The following CUX1 variants were observed in gnomAD, a reference collection of about 807,000 sequenced individuals.
CUX1 encodes cut like homeobox 1, also known as protein CASP.
CUX1 carries 31 observed loss-of-function variants against 158.8 expected under a neutral mutation model. The ratio of observed to expected loss-of-function variants is 0.20; its 90% CI spans 0.15 to 0.26. CUX1 has a LOEUF of 0.26. CUX1 is among the 10% of genes least tolerant of loss of function. CUX1 has a pLI of 1.00. For missense variants in CUX1, 1,589 were observed against 2,014.6 expected (o/e 0.79, Z 4.04); for synonymous variants, 879 against 862.1 (o/e 1.02, Z -0.34).
intron 11 of CUX1, among the ~76,000 whole-genome samples, chr7:102,179,420 T>A (rs1792781679): frequency 1.3e-5 from 2 of 152,046 alleles, no homozygotes; most frequent in Admixed American, 1.3e-4. Flanking sequence ...GTACTATAAC[T>A]CCAGCACTTC....
chr7:101,918,707 AAAGTCC>A (rs1344117763), intron 2 of CUX1, among the ~76,000 whole-genome samples: 2 of 152,344 alleles, frequency 1.3e-5, no homozygotes, highest in East Asian at 3.9e-4. Flanking sequence ...GCCCACGCGG[AAAGTCC>A]AAGACGAGAC....
chr7:102,039,014 TAACATATGAA>T (rs774803637), intron 3 of CUX1, among the ~76,000 whole-genome samples: 2 of 152,114 alleles, frequency 1.3e-5, no homozygotes, highest in Non-Finnish European at 2.9e-5. Context: ...TGAAAATAGT[TAACATATGAA>T]AACAACCCAG....
intron 11 of CUX1, among the ~76,000 whole-genome samples, chr7:102,185,047 T>C (rs374512962): frequency 1.3e-5 from 2 of 152,196 alleles, no homozygotes; most frequent in East Asian, 1.9e-4. Flanking sequence ...CCAGGGCACA[T>C]GTGCTCTTTC....
At chr7:102,053,666 C>G (rs1422870897) in intron 3 of CUX1, among the ~76,000 whole-genome samples, 1 of 152,044 alleles carries the variant, frequency 6.6e-6, no homozygotes, top group Non-Finnish European at 1.5e-5. Flanking sequence ...ATGTTTATAT[C>G]CCACAAATAT....
intron 17 of CUX1, among the ~76,000 whole-genome samples, chr7:102,275,728 G>C (rs965250857): frequency 1.3e-4 from 20 of 152,284 alleles, no homozygotes; most frequent in Non-Finnish European, 2.9e-4. Flanking sequence ...TGCAGGGTGA[G>C]CCAGGTGCGG....
intron 20 of CUX1, among the ~76,000 whole-genome samples, chr7:102,211,173 C>T (rs1057187756): frequency 3.9e-5 from 6 of 152,244 alleles, no homozygotes; most frequent in African/African-American, 9.6e-5. Context: ...GGGCCAGGCG[C>T]GGTGGCTCAC....
intron 14 of CUX1, among the ~76,000 whole-genome samples, chr7:102,269,068 C>T (rs1309555678): frequency 6.6e-6 from 1 of 151,938 alleles, no homozygotes; most frequent in East Asian, 1.9e-4. Context: ...TCCCTAGTAG[C>T]TGGGACTACA....
chr7:102,227,951 C>CT (rs781968632), intron 21 of CUX1, among the ~76,000 whole-genome samples: 49,000 of 117,162 alleles, frequency 0.42, 11,656 homozygotes, highest in East Asian at 0.75. Context: ...TCTTTTTTTT[C>CT]TTTTTTTTTT....
chr7:102,090,092 T>C (rs1828379428), intron 4 of CUX1, among the ~76,000 whole-genome samples: 1 of 152,236 alleles, frequency 6.6e-6, no homozygotes, highest in Non-Finnish European at 1.5e-5. Context: ...CAAGTTCTGT[T>C]AATTTTGATT....
intron 3 of CUX1, among the ~76,000 whole-genome samples, chr7:102,052,118 G>A (rs2130111488): frequency 6.6e-6 from 1 of 152,112 alleles, no homozygotes; most frequent in Non-Finnish European, 1.5e-5. Context: ...CTACTCAGGA[G>A]ACTGAGGCAG....
intron 22 of CUX1, among the ~76,000 whole-genome samples, chr7:102,238,700 CACTTACTT>C (rs1799856079): frequency 6.6e-6 from 1 of 152,154 alleles, no homozygotes; most frequent in Non-Finnish European, 1.5e-5. Context: ...TGGTCTCTTG[CACTTACTT>C]ACCCCCACCC....
intron 2 of CUX1, among the ~76,000 whole-genome samples, chr7:101,955,581 C>T (rs993950751): frequency 3.9e-5 from 6 of 152,184 alleles, no homozygotes; most frequent in South Asian, 4.1e-4. Flanking sequence ...TCCCAGGGAA[C>T]GCACAGCTGG....
Position 102,248,166 on chromosome 7 carries a change from T to G in CUX1, c.3888-246T>G, listed in dbSNP as rs1801016561. 6.6e-6 allele frequency among the ~76,000 whole-genome samples: 1 copy of G among 151,962 alleles called. No individual in the cohort carries two copies. The highest frequency in any genetic ancestry group is 2.1e-4 in the South Asian group (1 of 4,820). ...AATTAAAATAAGTGCCCGCGGCAAT[T>G]TGTTGCAGTGGAGAATAGGGGAGTG... On this transcript the variant is annotated intron_variant, in intron 23 of 23. Coordinates refer to ENST00000292535, the MANE Select transcript of CUX1 (RefSeq NM_181552.4). The surrounding 1 kb of genome is among the most constrained non-coding windows in gnomAD (Gnocchi z 5.8).
chr7:102,261,513 A>T (rs1037465207), downstream of CUX1, among the ~76,000 whole-genome samples: 7 of 151,792 alleles, frequency 4.6e-5, no homozygotes, highest in African/African-American at 1.7e-4. Flanking sequence ...AAAAATAAAT[A>T]ATACCAATAC....
At chr7:102,226,687 G>A (rs138137639) in intron 20 of CUX1, among the ~76,000 whole-genome samples, 2 of 152,306 alleles carry the variant, frequency 1.3e-5, no homozygotes, top group Non-Finnish European at 2.9e-5. Flanking sequence ...CTGGAGTGCA[G>A]TGGCACAATC....
At chr7:101,895,525 G>T (rs895713006) in intron 1 of CUX1, among the ~76,000 whole-genome samples, 5 of 152,090 alleles carry the variant, frequency 3.3e-5, no homozygotes, top group African/African-American at 7.2e-5. Context: ...GCTGTGATGG[G>T]GGTGTTCTCA....
At chr7:102,050,094 C>T (rs1418110341) in intron 3 of CUX1, among the ~76,000 whole-genome samples, 1 of 152,168 alleles carries the variant, frequency 6.6e-6, no homozygotes, top group Non-Finnish European at 1.5e-5. Context: ...TGAATTTTCT[C>T]CTGGGTTCCT....
intron 4 of CUX1, among the ~76,000 whole-genome samples, chr7:102,079,543 T>C (rs1827135543): frequency 6.6e-6 from 1 of 152,156 alleles, no homozygotes; most frequent in South Asian, 2.1e-4. Context: ...TCGAAGGTGA[T>C]AGAAATGTGG....
At chr7:102,106,066 A>G (rs1554488307) in intron 6 of CUX1, among the ~76,000 whole-genome samples, 1 of 142,770 alleles carries the variant, frequency 7.0e-6, no homozygotes, top group Non-Finnish European at 1.5e-5. Context: ...TACTTGGTGA[A>G]CTTTTCTTTT....
Sources: allele counts gnomAD v4.1 joint callset (sites outside exome capture counted in the v4.1 genomes callset), GRCh38; gene constraint gnomAD v4.1.1; non-coding constraint Gnocchi (gnomAD v3.1); transcripts MANE v1.5; gene names NCBI Gene and HGNC (gene_info 2026-07-23, HGNC 2026-07-21).